NME8: variants seen among roughly 807,000 people sequenced by gnomAD.
NME8 encodes the protein NME/NM23 family member 8.
NME8 carries 72 observed loss-of-function variants against 82.3 expected under a neutral mutation model. The observed-to-expected ratio is 0.87, with a 90% CI of 0.72 to 1.06. NME8 has a LOEUF of 1.06. Among genes scored for constraint, NME8 ranks in the 50% least tolerant of loss-of-function variants. The pLI is 0.00. For synonymous variants in NME8, 267 were observed against 228.5 expected (o/e 1.17, Z -1.52); for missense variants, 712 against 685.4 (o/e 1.04, Z -0.43).
At chr7:37,872,685 G>T (rs1301987531) in intron 11 of NME8, among the ~76,000 whole-genome samples, 1 of 152,170 alleles carries the variant, frequency 6.6e-6, no homozygotes, top group Non-Finnish European at 1.5e-5. Flanking sequence ...AATTAGACAG[G>T]ATGAGAGCAG....
chr7:37,882,722 AGG>A (rs1418960943), intron 12 of NME8, among the ~76,000 whole-genome samples: 1 of 152,184 alleles, frequency 6.6e-6, no homozygotes, highest in African/African-American at 2.4e-5. Context: ...TTTATGCATC[AGG>A]TTATTCCATG....
intron 17 of NME8, among the ~76,000 whole-genome samples, chr7:37,899,155 A>T (rs1331322354): frequency 1.3e-5 from 2 of 152,176 alleles, no homozygotes; most frequent in Non-Finnish European, 2.9e-5. Context: ...AACCAGAAAT[A>T]CCATTTGACC....
chr7:37,885,358 C>T, intron 14 of NME8, 106 bp downstream of exon 14: 1 of 777,918 alleles, frequency 1.3e-6, no homozygotes, highest in South Asian at 1.5e-5. Flanking sequence ...GGGAGCTTCT[C>T]AGGAAAGCTA....
chr7:37,854,790 TCTTGAAAC>T (rs1784487932), intron 5 of NME8, among the ~76,000 whole-genome samples: 1 of 118,132 alleles, frequency 8.5e-6, no homozygotes, highest in Non-Finnish European at 2.0e-5. Flanking sequence ...AACATCCATA[TCTTGAAAC>T]CTTTCACCCC....
intron 14 of NME8, among the ~76,000 whole-genome samples, chr7:37,885,774 A>G (rs2131968500): frequency 6.6e-6 from 1 of 152,240 alleles, no homozygotes; most frequent in East Asian, 1.9e-4. Context: ...ATATTTTCTG[A>G]GCTTACCTGC....
chr7:37,884,346 G>T lies in NME8; in HGVS notation c.1038G>T (p.Leu346=). The T allele has an allele frequency of 6.3e-7, 1 of 1,597,746 alleles. No homozygotes were observed. The highest frequency in any genetic ancestry group is 1.1e-5 in the South Asian group (1 of 90,760). ...TTAAAGATGAAGACTTCAAAATACT[G>T]GAGCAAAGACAAGTAGTATTATCGG... ...RIIKDEDFKI[L]EQRQVVLSEK... Residue 346 remains leucine (L), a synonymous_variant, in exon 13 of 18, where the codon CTG becomes CTT. Transcript: ENST00000199447.
chr7:37,849,472 A>G (rs1222400270), intron 2 of NME8, among the ~76,000 whole-genome samples: 3 of 152,220 alleles, frequency 2.0e-5, no homozygotes, highest in Non-Finnish European at 4.4e-5. Flanking sequence ...CATTTAGCAT[A>G]GAGCCTAGCA....
rs199920332 is a variant in NME8 at position 37,894,685 on chromosome 7, AAATT to A, written c.1544+82_1544+85del. The A allele has an allele frequency of 5.2e-5, 68 of 1,297,628 alleles. No individual in the cohort carries two copies. In the East Asian group the frequency reaches 1.7e-3, roughly 33 times the overall value. The allele number at this position is 1,297,628 out of a possible 1,614,324, so 80.4% of individuals were successfully genotyped here. ...ATTATAGAAACTTTGAAAAATGCAA[AAATT>A]AATTAAAACATTTCATCTAATCTCA... On this transcript the variant is annotated intron_variant, in intron 16 of 17. Transcript: ENST00000199447.
chr7:37,892,951 A>AT (rs1785154165), intron 15 of NME8, among the ~76,000 whole-genome samples: 1 of 151,878 alleles, frequency 6.6e-6, no homozygotes, highest in Admixed American at 6.6e-5. Context: ...AGGGGAATAA[A>AT]TTTTTTAATT....
Position 37,876,838 on chromosome 7 carries a change from A to G in NME8, c.825A>G (p.Gln275=). The G allele has an allele frequency of 1.2e-6, 2 of 1,611,006 alleles. No individual in the cohort carries two copies. The highest frequency in any genetic ancestry group is 1.7e-4 in the Middle Eastern group (1 of 6,040). Residue 275 remains glutamine (Q), a synonymous_variant, in exon 12 of 18, where the codon CAA becomes CAG. Coordinates refer to ENST00000199447, the MANE Select transcript of NME8 (RefSeq NM_016616.5). The part of the protein sequence containing the change: ...GMMKNKQDSL[Q]EYLERQHLAQ... ...ATATTTTGGATTTTGACAGTTTACA[A>G]GAATATCTGGAAAGACAACATTTAG...
chr7:37,897,233 G>A, intron 17 of NME8, 126 bp downstream of exon 17: 1 of 674,770 alleles, frequency 1.5e-6, no homozygotes, highest in East Asian at 2.7e-5. Flanking sequence ...TTTCCTGTGA[G>A]ACACACTGTT....
At chr7:37,857,501 G>T (rs1784528221) in intron 6 of NME8, among the ~76,000 whole-genome samples, 156 bp downstream of exon 6, 1 of 152,104 alleles carries the variant, frequency 6.6e-6, no homozygotes, top group Admixed American at 6.5e-5. Context: ...TTTATAATTT[G>T]GCTGCTAGGA....
chr7:37,870,877 T>G (rs1426421129), intron 11 of NME8, among the ~76,000 whole-genome samples: 2 of 152,234 alleles, frequency 1.3e-5, no homozygotes, highest in South Asian at 2.1e-4. Flanking sequence ...TAATGCTTGT[T>G]CTTATTTTCA....
In NME8 at chr7:37,900,390, TC is replaced by T. The variant is rs1421787878; in HGVS notation, c.*166del. The stretch of plus-strand genomic sequence containing the variant: ...ATGCATAATAACAATAAAAATGTAT[TC>T]CCCAAACAAATCTTAATGTTTATTT... On this transcript the variant is annotated 3_prime_UTR_variant, in exon 18 of 18. Coordinates refer to ENST00000199447, the MANE Select transcript of NME8 (RefSeq NM_016616.5). 2 of 152,270 alleles carry T rather than the reference TC, an allele frequency of 1.3e-5. No individual in the cohort carries two copies. The highest frequency in any genetic ancestry group is 4.8e-5 in the African/African-American group (2 of 41,552). 9.4% of individuals were successfully genotyped at this position (152,270 alleles called of 1,614,324 possible).
Position 37,870,181 on chromosome 7 carries a change from G to T in NME8, c.818+2283G>T, listed in dbSNP as rs368620031. Among the ~76,000 whole-genome samples, 5 of 150,310 alleles carry T rather than the reference G, an allele frequency of 3.3e-5. No homozygotes were observed. In the East Asian group the frequency reaches 5.8e-4, roughly 17 times the overall value. On this transcript the variant is annotated intron_variant, in intron 11 of 17. Coordinates refer to ENST00000199447, the MANE Select transcript of NME8 (RefSeq NM_016616.5). ...CTTTTGGCTTCCCTGGGGCACACTG[G>T]AAGAAGAAGAATTGTCTTGGGCCAC...
At chr7:37,858,753 C>T (rs192512247) in intron 6 of NME8, among the ~76,000 whole-genome samples, 5 of 152,016 alleles carry the variant, frequency 3.3e-5, no homozygotes, top group Admixed American at 6.5e-5. Context: ...CTGGGATAGT[C>T]GATAATATAG....
chr7:37,891,911 CT>C (rs1334317536), intron 15 of NME8, among the ~76,000 whole-genome samples: 2 of 151,634 alleles, frequency 1.3e-5, no homozygotes, highest in East Asian at 3.9e-4. Context: ...ACTTAATCTA[CT>C]TTCTTATTTC....
chr7:37,851,432 T>G (rs565299417), intron 5 of NME8, among the ~76,000 whole-genome samples: 103 of 152,312 alleles, frequency 6.8e-4, no homozygotes, highest in Non-Finnish European at 1.3e-3. Flanking sequence ...GTGAATCTAC[T>G]ACTTAACTGT....
Position 37,894,465 on chromosome 7 carries a change from G to C in NME8, c.1400-1G>C, listed in dbSNP as rs760527291. On this transcript the variant is annotated splice_acceptor_variant, in intron 15 of 17. Coordinates refer to ENST00000199447, the MANE Select transcript of NME8 (RefSeq NM_016616.5). LOFTEE classifies it high-confidence loss of function. ...TATTATCAAATATTTGTTTTTCTTA[G>C]AGCAGATCCTGAAGATAGTTAAGGA... is the stretch of plus-strand genomic sequence containing the variant. The C allele has an allele frequency of 1.2e-6, 2 of 1,612,420 alleles. No individual in the cohort carries two copies. The highest frequency in any genetic ancestry group is 1.7e-6 in the Non-Finnish European group (2 of 1,178,912).
Sources: allele counts gnomAD v4.1 joint callset (sites outside exome capture counted in the v4.1 genomes callset), GRCh38; gene constraint gnomAD v4.1.1; transcripts MANE v1.5; gene names NCBI Gene and HGNC (gene_info 2026-07-23, HGNC 2026-07-21).